The following RPGRIP1 variants were observed in gnomAD, a reference collection of about 807,000 sequenced individuals.
RPGRIP1 encodes the protein RPGR interacting protein 1.
RPGRIP1 carries 128 observed loss-of-function variants against 157.9 expected under a neutral mutation model. The observed-to-expected ratio is 0.81, with a 90% confidence interval of 0.70 to 0.94. The LOEUF (loss-of-function observed/expected upper bound fraction) is 0.94. RPGRIP1 is among the 40% of genes least tolerant of loss of function. The pLI, the probability that RPGRIP1 is intolerant of heterozygous loss-of-function variation, is 0.00. For synonymous variants in RPGRIP1, 554 were observed against 571.6 expected, an observed-to-expected ratio of 0.97 and a Z score of 0.44; for missense variants, 1,486 against 1,545.8, an observed-to-expected ratio of 0.96 and a Z score of 0.65.
intron 2 of RPGRIP1, among the ~76,000 whole-genome samples, chr14:21,293,118 CCTGGGCAAAAAGAGCGAAACT>C (rs1170145053): frequency 2.0e-5 from 3 of 152,068 alleles, no homozygotes; most frequent in African/African-American, 7.2e-5. Flanking sequence ...TGCACTCCAG[CCTGGGCAAAAAGAGCGAAACT>C]CTGTCTCAAT....
intron 10 of RPGRIP1, among the ~76,000 whole-genome samples, chr14:21,314,425 G>A (rs946425523): frequency 6.6e-6 from 1 of 152,000 alleles, no homozygotes; most frequent in African/African-American, 2.4e-5. Flanking sequence ...TTCACAATGA[G>A]CATGTATTCA....
rs756799100 is a variant in RPGRIP1, at chr14:21,321,875, A to T, written c.1633A>T (p.Thr545Ser). ...TCAGGAGGAACTGGAGGCAATGATG[A>T]CAAAAGCTGACAATGATAATAGAGA... Reference protein sequence around the residue: ...CYQEELEAMMTKADNDNRDHK... With the variant: ...CYQEELEAMMSKADNDNRDHK... The change falls in exon 14 of 25, where the codon ACA becomes TCA. Residue 545 changes from threonine (T) to serine (S), a missense_variant. By Grantham distance (58) the Thr-to-Ser change is moderately conservative. Transcript: ENST00000400017. 1 of 1,613,260 alleles carries T rather than the reference A, an allele frequency of 6.2e-7. No homozygotes were observed. The highest frequency in any genetic ancestry group is 8.5e-7 in the Non-Finnish European group (1 of 1,179,636).
chr14:21,323,597 G>A (rs1267297943), intron 14 of RPGRIP1, among the ~76,000 whole-genome samples: 2 of 152,028 alleles, frequency 1.3e-5, no homozygotes, highest in East Asian at 3.9e-4. Context: ...ATGTTCACCA[G>A]TTATTTGTAT....
At chr14:21,341,049 G>GTTTGTTTT (rs1479799379) in intron 21 of RPGRIP1, among the ~76,000 whole-genome samples, 1 of 151,994 alleles carries the variant, frequency 6.6e-6, no homozygotes, top group Non-Finnish European at 1.5e-5. Context: ...TTTTTTGTTT[G>GTTTGTTTT]TTTGTTTGTT....
chr14:21,321,726 C>T, intron 13 of RPGRIP1, 128 bp from the exon 14 acceptor site: 1 of 994,592 alleles, frequency 1.0e-6, no homozygotes, highest in Admixed American at 2.9e-5. Context: ...GAAATCAAAC[C>T]TTCTTCTAGT....
Position 21,340,907 on chromosome 14 carries a change from G to A in RPGRIP1, c.3340-2129G>A, listed in dbSNP as rs148709151. 3.1e-3 allele frequency among the ~76,000 whole-genome samples: 475 copies of A among 151,562 alleles called. 4 individuals are homozygous for A. The highest frequency in any genetic ancestry group is 0.011 in the African/African-American group (453 of 41,230). ...CTTTTTTAAAAAGCTAGTGAAACCC[G>A]CTAATCTGACCCATCAAAGTGTCAA... On this transcript the variant is annotated intron_variant, in intron 21 of 24. Coordinates refer to ENST00000400017, the MANE Select transcript of RPGRIP1 (RefSeq NM_020366.4).
chr14:21,343,262 A>T, intron 22 of RPGRIP1, 34 bp downstream of exon 22: 1 of 1,533,804 alleles, frequency 6.5e-7, no homozygotes, highest in Non-Finnish European at 8.9e-7. Flanking sequence ...GGGGTGAGGA[A>T]GTCTGATGAA....
chr14:21,341,427 T>C (rs2139327233), intron 21 of RPGRIP1, among the ~76,000 whole-genome samples: 1 of 152,226 alleles, frequency 6.6e-6, no homozygotes, highest in South Asian at 2.1e-4. Context: ...GCACAGGAGC[T>C]CCACTTGCTT....
intron 10 of RPGRIP1, among the ~76,000 whole-genome samples, chr14:21,314,275 G>A (rs2139179248): frequency 6.6e-6 from 1 of 151,636 alleles, no homozygotes; most frequent in African/African-American, 2.4e-5. Flanking sequence ...GCAGAGACAG[G>A]GTTTCGCCAG....
At chr14:21,330,534 CAG>C in intron 20 of RPGRIP1, 147 bp downstream of exon 20, 1 of 508,590 alleles carries the variant, frequency 2.0e-6, no homozygotes, top group Non-Finnish European at 3.1e-6. Flanking sequence ...GGTATGGTGG[CAG>C]GCGCCTGTAA....
intron 20 of RPGRIP1, among the ~76,000 whole-genome samples, 181 bp downstream of exon 20, chr14:21,330,568 A>G (rs1191745036): frequency 2.6e-5 from 4 of 152,024 alleles, no homozygotes; most frequent in Non-Finnish European, 4.4e-5. Flanking sequence ...TGGGCGGCGG[A>G]GGCAGGAGAA....
intron 10 of RPGRIP1, among the ~76,000 whole-genome samples, 186 bp downstream of exon 10, chr14:21,312,692 C>CTT (rs202128771): frequency 4.2e-5 from 6 of 142,838 alleles, no homozygotes; most frequent in South Asian, 2.2e-4. Flanking sequence ...TGCATATCCT[C>CTT]TTTTTTTTTT....
intron 2 of RPGRIP1, among the ~76,000 whole-genome samples, chr14:21,291,565 A>C (rs1880530078): frequency 6.6e-6 from 1 of 152,046 alleles, no homozygotes; most frequent in Non-Finnish European, 1.5e-5. Flanking sequence ...TTATGAAATA[A>C]CTAAAAGTAG....
At position 21,337,460 on chromosome 14, in the gene RPGRIP1, T is replaced by A. The variant is rs1250334668; in HGVS notation, c.3339+2755T>A. On this transcript the variant is annotated intron_variant, in intron 21 of 24. Transcript: ENST00000400017. ...AAGCTTTTTTTTTTTTTTTTTGAGA[T>A]AGAGTCTTGTTCTGTTGCCCAGGCT... Among the ~76,000 whole-genome samples, 7 of 146,724 alleles carry A rather than the reference T, an allele frequency of 4.8e-5. No homozygotes were observed. The East Asian group carries it at 1.4e-3, about 29-fold the overall frequency.
intron 2 of RPGRIP1, among the ~76,000 whole-genome samples, chr14:21,292,929 G>A (rs1408927670): frequency 6.6e-6 from 1 of 151,280 alleles, no homozygotes; most frequent in Non-Finnish European, 1.5e-5. Flanking sequence ...GGTGGATCAC[G>A]AGGTCAAGAG....
At chr14:21,295,374 G>T (rs1880724792) in intron 3 of RPGRIP1, among the ~76,000 whole-genome samples, 1 of 151,772 alleles carries the variant, frequency 6.6e-6, no homozygotes, top group South Asian at 2.1e-4. Context: ...TAAAAGAAGG[G>T]GTCTTTATTT....
chr14:21,323,266 A>G (rs1882698975), intron 14 of RPGRIP1, among the ~76,000 whole-genome samples: 2 of 152,118 alleles, frequency 1.3e-5, no homozygotes. Context: ...TACTAAAAAT[A>G]GAACAATTAG....
At chr14:21,345,668 G>A (rs1036033746) in intron 23 of RPGRIP1, among the ~76,000 whole-genome samples, 3 of 152,156 alleles carry the variant, frequency 2.0e-5, no homozygotes, top group African/African-American at 7.2e-5. Flanking sequence ...GCCTCCCAGA[G>A]TGCTGGGATT....
At chr14:21,313,048 C>T (rs961797771) in intron 10 of RPGRIP1, among the ~76,000 whole-genome samples, 1 of 151,864 alleles carries the variant, frequency 6.6e-6, no homozygotes, top group African/African-American at 2.4e-5. Flanking sequence ...GTTGCCCAGG[C>T]TGGTCTCAAA....
Sources: allele counts gnomAD v4.1 joint callset (sites outside exome capture counted in the v4.1 genomes callset), GRCh38; gene constraint gnomAD v4.1.1; transcripts MANE v1.5; gene names NCBI Gene and HGNC (gene_info 2026-07-23, HGNC 2026-07-21).